EED: variants seen among roughly 807,000 people sequenced by gnomAD.
EED encodes embryonic ectoderm development, also known as polycomb protein EED.
In EED, 9 loss-of-function variants were observed where a neutral mutation model predicts 61.0. The observed-to-expected ratio is 0.15, with a 90% CI of 0.09 to 0.26. The LOEUF is 0.26. Ranked by LOEUF, EED falls within the 10% of genes least tolerant of loss-of-function variation. EED has a pLI of 1.00. For synonymous variants in EED, 187 were observed against 174.4 expected (o/e 1.07, Z -0.57); for missense variants, 315 against 542.3 (o/e 0.58, Z 4.16).
chr11:86,283,296 C>A (rs1013008176), downstream of EED, among the ~76,000 whole-genome samples: 1 of 152,110 alleles, frequency 6.6e-6, no homozygotes, highest in African/African-American at 2.4e-5. Context: ...TAAAAATAGA[C>A]CACCAAAGAC....
intron 6 of EED, among the ~76,000 whole-genome samples, chr11:86,260,176 A>G (rs114441764): frequency 1.4e-3 from 211 of 152,302 alleles, no homozygotes; most frequent in African/African-American, 4.9e-3. Context: ...CAGAATGAAC[A>G]TTGTTATATT....
At chr11:86,275,138 C>T (rs1346612794) in intron 9 of EED, among the ~76,000 whole-genome samples, 2 of 152,102 alleles carry the variant, frequency 1.3e-5, no homozygotes, top group South Asian at 2.1e-4. Flanking sequence ...GGAAACTCAA[C>T]GGTTATCGTT....
intron 4 of EED, 26 bp from the exon 5 acceptor site, chr11:86,256,361 T>C (rs1298946962): frequency 1.3e-6 from 2 of 1,513,484 alleles, no homozygotes; most frequent in Non-Finnish European, 1.8e-6. Context: ...AAAAACATTA[T>C]GTTTCTTAAC....
intron 9 of EED, among the ~76,000 whole-genome samples, chr11:86,274,455 C>T (rs115335731): frequency 1.5e-3 from 223 of 152,178 alleles, no homozygotes; most frequent in African/African-American, 5.1e-3. Flanking sequence ...TTGGGTATTA[C>T]GAGACTCTGG....
chr11:86,271,514 G>A (rs545648552), intron 9 of EED, among the ~76,000 whole-genome samples: 36 of 152,036 alleles, frequency 2.4e-4, no homozygotes, highest in African/African-American at 8.0e-4. Flanking sequence ...GCCTTATTGC[G>A]CTGGTGAACT....
intron 6 of EED, among the ~76,000 whole-genome samples, chr11:86,262,677 GT>G (rs1013696260): frequency 6.9e-4 from 104 of 151,708 alleles, no homozygotes; most frequent in Admixed American, 4.1e-3. Flanking sequence ...CACCCCGCTA[GT>G]TTTTGTATTT....
At position 86,278,762 on chromosome 11, in the gene EED, T is replaced by C. The variant is rs1946286811; in HGVS notation, c.*237T>C. 2.4e-6 allele frequency: 1 copy of C among 408,886 alleles called. No homozygotes were observed. Among genetic ancestry groups the C allele is most frequent in the Non-Finnish European group, 4.0e-6 (1 of 249,246 alleles). The allele number at this position is 408,886 out of a possible 1,614,324, so 25.3% of individuals were successfully genotyped here. Reference sequence around the variant, plus strand: ...AAAGCTGTGTGTTTAGTTACTTTCATTGTGGTGAAAAAAAGTTAAAAGTAA... The same window carrying C: ...AAAGCTGTGTGTTTAGTTACTTTCACTGTGGTGAAAAAAAGTTAAAAGTAA... On this transcript the variant is annotated 3_prime_UTR_variant, in exon 12 of 12. Coordinates refer to ENST00000263360, the MANE Select transcript of EED (RefSeq NM_003797.5).
At chr11:86,281,921 T>A (rs1399471392), downstream of EED, among the ~76,000 whole-genome samples, 1 of 152,250 alleles carries the variant, frequency 6.6e-6, no homozygotes, top group Non-Finnish European at 1.5e-5. Flanking sequence ...AAACCAGCTT[T>A]GATATGTTGA....
Position 86,256,545 on chromosome 11 carries a change from T to G in EED, c.552+33T>G, listed in dbSNP as rs201693325. ...TTTCTGGTTAAATTGTAGATCTGCTTCTTTTGAATCCACAACTGTAAAAAC... is the reference window on the plus strand; with the variant it reads ...TTTCTGGTTAAATTGTAGATCTGCTGCTTTTGAATCCACAACTGTAAAAAC... On this transcript the variant is annotated intron_variant, in intron 5 of 11. Transcript: ENST00000263360. 114 of 1,529,142 alleles carry G rather than the reference T, an allele frequency of 7.5e-5. No homozygotes were observed. The East Asian group carries it at 2.4e-3, about 33-fold the overall frequency. The allele number at this position is 1,529,142 out of a possible 1,614,324, so 94.7% of individuals were successfully genotyped here. A position where few individuals can be genotyped will look rare whatever the true frequency, so the allele number is the denominator to read the frequency against.
chr11:86,264,110 A>G (rs1945913656), intron 6 of EED, 62 bp from the exon 7 acceptor site: 4 of 1,322,474 alleles, frequency 3.0e-6, no homozygotes, highest in Non-Finnish European at 3.3e-6. Flanking sequence ...TTTCTTTCAC[A>G]AGATGTTGAA....
intron 1 of EED, among the ~76,000 whole-genome samples, chr11:86,248,895 C>G (rs1399389008): frequency 6.6e-6 from 1 of 152,042 alleles, no homozygotes; most frequent in East Asian, 1.9e-4. Context: ...CCTGTTGTCC[C>G]AGCTACTCAG....
intron 8 of EED, 90 bp downstream of exon 8, chr11:86,266,306 CAAT>C: frequency 1.7e-6 from 2 of 1,198,210 alleles, no homozygotes; most frequent in East Asian, 2.6e-5. Context: ...TAAGCCCCAA[CAAT>C]GAGTTTAGAA....
chr11:86,265,523 A>C (rs1945952115), intron 7 of EED: 1 of 152,196 alleles, frequency 6.6e-6, no homozygotes, highest in Non-Finnish European at 1.5e-5. Context: ...ATGCCTGTTA[A>C]AAATTAGTAA....
At chr11:86,258,573 G>A (rs1249785661) in intron 6 of EED, among the ~76,000 whole-genome samples, 1 of 43,420 alleles carries the variant, frequency 2.3e-5, no homozygotes, top group East Asian at 7.5e-4. Flanking sequence ...TTTTTTTTTT[G>A]AGACAAAGTT....
At chr11:86,252,371 G>A (rs185347764) in intron 3 of EED, 131 bp downstream of exon 3, 3 of 565,982 alleles carry the variant, frequency 5.3e-6, no homozygotes, top group African/African-American at 3.7e-5. Flanking sequence ...TCATGTAAGA[G>A]TGAAGGTTTC....
At chr11:86,276,019 AG>A (rs1215925603) in intron 9 of EED, 1 of 152,158 alleles carries the variant, frequency 6.6e-6, no homozygotes, top group African/African-American at 2.4e-5. Flanking sequence ...GTAAAACTCT[AG>A]GGGCACTGTT....
At chr11:86,252,106 TAAG>T (rs771291054) in intron 2 of EED, 39 bp from the exon 3 acceptor site, 6 of 1,537,764 alleles carry the variant, frequency 3.9e-6, no homozygotes, top group Non-Finnish European at 5.4e-6. Context: ...TTCTGGTTTG[TAAG>T]ATACATTAAT....
the EED span, among the ~76,000 whole-genome samples, chr11:86,286,741 G>T: frequency 1.3e-5 from 2 of 151,986 alleles, no homozygotes; most frequent in Non-Finnish European, 1.5e-5. Context: ...GGGAGGCCGA[G>T]GCGGGCAGAT....
intron 7 of EED, 122 bp from the exon 8 acceptor site, chr11:86,265,961 C>T: frequency 1.2e-6 from 1 of 806,800 alleles, no homozygotes; most frequent in Non-Finnish European, 1.9e-6. Context: ...TAGATGAAAC[C>T]CAAAATGTAG....
Sources: allele counts gnomAD v4.1 joint callset (sites outside exome capture counted in the v4.1 genomes callset), GRCh38; gene constraint gnomAD v4.1.1; transcripts MANE v1.5; gene names NCBI Gene and HGNC (gene_info 2026-07-23, HGNC 2026-07-21).